Variants in TTN observed in about 807,000 individuals in gnomAD.
TTN encodes titin.
TTN carries 1,525 observed loss-of-function variants against 3,223.0 expected under a neutral mutation model. The ratio of observed to expected loss-of-function variants is 0.47; its 90% CI spans 0.45 to 0.49. TTN has a LOEUF of 0.49. Among genes scored for constraint, TTN ranks in the 20% least tolerant of loss-of-function variants. The pLI is 0.00. For synonymous variants in TTN, 14,094 were observed against 15,161.0 expected, an observed-to-expected ratio of 0.93 and a Z score of 5.17; for missense variants, 40,786 against 43,424.0, an observed-to-expected ratio of 0.94 and a Z score of 5.40.
chr2:178,752,107 T>C, intron 47 of TTN: 1 of 1,410,896 alleles, frequency 7.1e-7, no homozygotes, highest in South Asian at 1.2e-5. Context: ...TAAATAAAAT[T>C]GCAAAATAGG....
intron 208 of TTN, 86 bp from the exon 209 acceptor site, chr2:178,650,920 T>A (rs1576942990): frequency 7.3e-7 from 1 of 1,376,178 alleles, no homozygotes; most frequent in East Asian, 2.5e-5. Context: ...TTTGCTCAAA[T>A]AACCCAGGGA....
rs751454643 is a variant in TTN, at chr2:178,670,224, T to C, written c.35380A>G (p.Thr11794Ala). The change falls in exon 157 of 363, where the codon ACT (threonine) becomes GCT (alanine). Residue 11794 changes from threonine to alanine, a missense_variant. Transcript: ENST00000589042. ...AATGAGAAAAGCCAGTTACCTTTAG[T>C]TGGTGGAACTCTGGGCTCTTCAGGA... Reference protein sequence around the residue: ...RVPEEPRVPPTKAPEVPKKIV... With the variant: ...RVPEEPRVPPAKAPEVPKKIV... 6.1e-6 allele frequency: 9 copies of C among 1,470,722 alleles called. No individual in the cohort carries two copies. Among genetic ancestry groups the C allele is most frequent in the African/African-American group, 1.5e-5 (1 of 68,398 alleles). 91.1% of individuals were successfully genotyped at this position (1,470,722 alleles called of 1,614,324 possible).
Position 178,616,781 on chromosome 2 carries a change from T to C in TTN, c.48108A>G (p.Lys16036=). The C allele has an allele frequency of 6.2e-7, 1 of 1,612,776 alleles. No homozygotes were observed. The highest frequency in any genetic ancestry group is 8.5e-7 in the Non-Finnish European group (1 of 1,179,178). Residue 16036 remains lysine (K), a synonymous_variant, in exon 256 of 363, where the codon AAA becomes AAG. Coordinates refer to ENST00000589042, the MANE Select transcript of TTN (RefSeq NM_001267550.2). ...AAATTGTTTTCACACGGTTTTCTAA[T>C]TTCAGTGTATAAATGCCCTTGTCTG... ...ERSDKGIYTL[K]LENRVKTISG... is the part of the protein sequence containing the mutation.
Position 178,562,554 on chromosome 2 carries a change from C to G in TTN, c.83578G>C (p.Val27860Leu). The part of the protein sequence containing the change: ...LPAETTEPVK[V>L]SEPPLPPGRV... ...CCAGGTGGGAGGGGTGGTTCAGACA[C>G]TTTAACGGGTTCTGTTGTTTCAGCT... Residue 27860 changes from valine to leucine, a missense_variant, in exon 326 of 363, where the codon GTG becomes CTG. By Grantham distance (32) the Val-to-Leu change is conservative. Transcript: ENST00000589042. 2 of 1,610,602 alleles carry G rather than the reference C, an allele frequency of 1.2e-6. No homozygotes were observed. The highest frequency in any genetic ancestry group is 1.7e-6 in the Non-Finnish European group (2 of 1,178,614).
chr2:178,739,603 C>A lies in TTN; in HGVS notation c.13630G>T (p.Val4544Phe). 2 of 1,613,822 alleles carry A rather than the reference C, an allele frequency of 1.2e-6. No individual in the cohort carries two copies. The highest frequency in any genetic ancestry group is 1.7e-4 in the Middle Eastern group (1 of 6,060). Residue 4544 changes from valine (V) to phenylalanine (F), a missense_variant, in exon 48 of 363, where the codon GTT becomes TTT. Transcript: ENST00000589042. ...EVSYFNVQSRVKYLDATPVTK... is the reference protein window; with the variant it reads ...EVSYFNVQSRFKYLDATPVTK... ...ACAGGTGTGGCATCCAAATATTTAA[C>A]CCTACTTTGCACGTTAAAATAACTG...
At chr2:178,793,679 A>C (rs1251666249) in intron 8 of TTN, 138 bp from the exon 9 acceptor site, 2 of 1,189,348 alleles carry the variant, frequency 1.7e-6, no homozygotes. Context: ...GCACACCTGT[A>C]ATCCCAGCTA....
rs794729263 is a variant in TTN, at chr2:178,613,939, T to A, written c.49346-2A>T. 6.2e-7 allele frequency: 1 copy of A among 1,607,540 alleles called. No individual in the cohort carries two copies. Among genetic ancestry groups the A allele is most frequent in the African/African-American group, 1.3e-5 (1 of 74,414 alleles). ...GGCGAGTTGGAGGACCAGGTGGATC[T>A]ATAGACAGGATAATGGTGTAAAATG... On this transcript the variant is annotated splice_acceptor_variant, in intron 262 of 362. Transcript: ENST00000589042. LOFTEE classifies it high-confidence loss of function.
chr2:178,583,765 C>G lies in TTN; in HGVS notation c.65417G>C (p.Arg21806Pro), dbSNP rs771120053. 6.2e-7 allele frequency: 1 copy of G among 1,611,440 alleles called. No homozygotes were observed. Among genetic ancestry groups the G allele is most frequent in the Admixed American group, 1.7e-5 (1 of 59,794 alleles). The change falls in exon 312 of 363, where the codon CGG becomes CCG. Residue 21806 changes from arginine to proline, a missense_variant. Arg to Pro is a moderately radical substitution (Grantham distance 103). Transcript: ENST00000589042. ...AATCTGGTGAGGTGCAGTATTGCAC[C>G]GTACCCATTTATCACCAGGAAGTTT... ...ACKLPGDKWV[R>P]CNTAPHQIPQ... is the part of the protein sequence containing the mutation.
rs2081311155 is a variant in TTN at position 178,735,631 on chromosome 2, C to G, written c.14815G>C (p.Glu4939Gln). 1 of 1,613,566 alleles carries G rather than the reference C, an allele frequency of 6.2e-7. No individual in the cohort carries two copies. The highest frequency in any genetic ancestry group is 8.5e-7 in the Non-Finnish European group (1 of 1,179,790). The change falls in exon 50 of 363, where the codon GAA becomes CAA. Residue 4939 changes from glutamate (E) to glutamine (Q), a missense_variant. By Grantham distance (29) the Glu-to-Gln change is conservative. Coordinates refer to ENST00000589042, the MANE Select transcript of TTN (RefSeq NM_001267550.2). ...ATCTCAAGTGTTGCTATTTTATCTT[C>G]AAAACAGATCTTATAATCTTTCCCT... ...PPGKDYKICF[E>Q]DKIATLEIPL... is the part of the protein sequence containing the mutation.
In TTN at chr2:178,746,397, C is replaced by T. The variant is rs1485174648; in HGVS notation, c.11312-4476G>A. 2.9e-5 allele frequency: 46 copies of T among 1,609,084 alleles called. No individual in the cohort carries two copies. The highest frequency in any genetic ancestry group is 3.4e-5 in the Non-Finnish European group (40 of 1,177,770). Reference sequence around the variant, plus strand: ...ATACTTTTATGGTCAGGAGTAAATTCGGGAACTGTCACTATTTTCACCTGC... The same window carrying T: ...ATACTTTTATGGTCAGGAGTAAATTTGGGAACTGTCACTATTTTCACCTGC... On this transcript the variant is annotated intron_variant, in intron 47 of 362. Transcript: ENST00000589042.
Position 178,780,197 on chromosome 2 carries a change from C to G in TTN, c.3532G>C (p.Glu1178Gln), listed in dbSNP as rs868494997. Residue 1178 changes from glutamate to glutamine, a missense_variant, in exon 22 of 363, where the codon GAG (glutamate) becomes CAG (glutamine). Coordinates refer to ENST00000589042, the MANE Select transcript of TTN (RefSeq NM_001267550.2). ...TCTTGCTGGGACTTCATCAGTAACT[C>G]ATAATCAGCTAAGAGTTAAGAACAT... The part of the protein sequence containing the change: ...SASLLEEADY[E>Q]LLMKSQQEML... 6.2e-7 allele frequency: 1 copy of G among 1,613,164 alleles called. No homozygotes were observed. Among genetic ancestry groups the G allele is most frequent in the African/African-American group, 1.3e-5 (1 of 74,886 alleles).
rs771220870 is a variant in TTN at position 178,673,589 on chromosome 2, A to T, written c.34786+44T>A. On this transcript the variant is annotated intron_variant, in intron 152 of 362. Coordinates refer to ENST00000589042, the MANE Select transcript of TTN (RefSeq NM_001267550.2). The stretch of plus-strand genomic sequence containing the variant: ...GAAAATGTTGCTTTTAAGAAAGAAA[A>T]TTAATGGGAAGTTAAAGATATTAAT... 3.4e-6 allele frequency: 5 copies of T among 1,459,268 alleles called. No homozygotes were observed. The South Asian group carries it at 7.2e-5, about 21-fold the overall frequency. The allele number at this position is 1,459,268 out of a possible 1,614,324, so 90.4% of individuals were successfully genotyped here. A position where few individuals can be genotyped will look rare whatever the true frequency, so the allele number is the denominator to read the frequency against.
rs761366397 is a variant in TTN at position 178,741,291 on chromosome 2, C to G, written c.11942G>C (p.Ser3981Thr). ...GTTATGAATGATAGTGTAATAAACA[C>G]TGGTGCAAAGCTGCTTGTTTTCTTT... ...WFKENKQLCT[S>T]VYYTIIHNPN... The change falls in exon 48 of 363, where the codon AGT (serine) becomes ACT (threonine). Residue 3981 changes from serine (S) to threonine (T), a missense_variant. Physicochemically the swap from Ser to Thr is moderately conservative, Grantham distance 58. Coordinates refer to ENST00000589042, the MANE Select transcript of TTN (RefSeq NM_001267550.2). The G allele has an allele frequency of 1.2e-6, 2 of 1,613,918 alleles. No individual in the cohort carries two copies. Among genetic ancestry groups the G allele is most frequent in the South Asian group, 1.1e-5 (1 of 91,084 alleles).
At chr2:178,578,589 A>G (rs771945489) in intron 321 of TTN, 22 bp downstream of exon 321, 6 of 1,559,082 alleles carry the variant, frequency 3.8e-6, no homozygotes, top group Non-Finnish European at 5.3e-6. Flanking sequence ...TAAAAGCTGT[A>G]GGATAAGAAC....
chr2:178,581,934 G>C lies in TTN; in HGVS notation c.66435C>G (p.Ser22145=), dbSNP rs1401960775. 6.2e-7 allele frequency: 1 copy of C among 1,613,064 alleles called. No homozygotes were observed. Among genetic ancestry groups the C allele is most frequent in the Non-Finnish European group, 8.5e-7 (1 of 1,179,474 alleles). Residue 22145 remains serine, a synonymous_variant, in exon 315 of 363, where the codon TCC becomes TCG. Coordinates refer to ENST00000589042, the MANE Select transcript of TTN (RefSeq NM_001267550.2). The part of the protein sequence containing the change: ...KAGPGKPSDA[S]KAAYARDPQY... The stretch of plus-strand genomic sequence containing the variant: ...GAGGGTCCCGAGCATAAGCGGCCTT[G>C]GATGCGTCACTGGGTTTGCCTGGTC...
Position 178,609,489 on chromosome 2 carries a change from G to A in TTN, c.51821C>T (p.Ser17274Leu). The A allele has an allele frequency of 6.2e-7, 1 of 1,612,434 alleles. No individual in the cohort carries two copies. The highest frequency in any genetic ancestry group is 8.5e-7 in the Non-Finnish European group (1 of 1,179,144). ...EIALDASISG[S>L]PYPTITWIKD... The stretch of plus-strand genomic sequence containing the variant: ...TATCCATGTAATAGTTGGGTAAGGT[G>A]ATCCAGAAATACTTGCATCAAGTGC... The change falls in exon 273 of 363, where the codon TCA becomes TTA. Residue 17274 changes from serine (S) to leucine (L), a missense_variant. Physicochemically the swap from Ser to Leu is moderately radical, Grantham distance 145. Coordinates refer to ENST00000589042, the MANE Select transcript of TTN (RefSeq NM_001267550.2).
At position 178,727,723 on chromosome 2, in the gene TTN, T is replaced by C. The variant is rs1060500450; in HGVS notation, c.19855A>G (p.Lys6619Glu). 5.6e-6 allele frequency: 9 copies of C among 1,613,274 alleles called. No homozygotes were observed. The highest frequency in any genetic ancestry group is 7.6e-6 in the Non-Finnish European group (9 of 1,179,476). Residue 6619 changes from lysine to glutamate, a missense_variant, in exon 68 of 363, where the codon AAA becomes GAA. Physicochemically the swap from Lys to Glu is moderately conservative, Grantham distance 56. Coordinates refer to ENST00000589042, the MANE Select transcript of TTN (RefSeq NM_001267550.2). ...KDDVELVSGPKCFIGLEGSTS... is the reference protein window; with the variant it reads ...KDDVELVSGPECFIGLEGSTS... ...GACCCTTCCAAGCCAATGAAACATT[T>C]AGGACCTGAGACAAGTTCCACATCA...
intron 250 of TTN, 51 bp from the exon 251 acceptor site, chr2:178,618,904 G>A: frequency 6.3e-7 from 1 of 1,576,748 alleles, no homozygotes; most frequent in African/African-American, 1.4e-5. Context: ...ACGTAGCCAA[G>A]CTACATCATG....
At position 178,530,429 on chromosome 2, in the gene TTN, C is replaced by T; in HGVS notation, c.106186G>A (p.Asp35396Asn). The T allele has an allele frequency of 6.2e-7, 1 of 1,613,930 alleles. No individual in the cohort carries two copies. Among genetic ancestry groups the T allele is most frequent in the Middle Eastern group, 1.6e-4 (1 of 6,062 alleles). ...ACTGTTGACTCAGTGGTTTTCTGAT[C>T]TGATTTCTTAGTTTCTGATATTTTT... is the stretch of plus-strand genomic sequence containing the variant. ...VSKISETKKS[D>N]QKTTESTVTR... Residue 35396 changes from aspartate (D) to asparagine (N), a missense_variant, in exon 358 of 363, where the codon GAT becomes AAT. By Grantham distance (23) the Asp-to-Asn change is conservative. Coordinates refer to ENST00000589042, the MANE Select transcript of TTN (RefSeq NM_001267550.2).
Sources: gnomAD v4.1 joint callset for allele counts on GRCh38, gnomAD v4.1.1 for gene constraint, MANE v1.5 for transcripts, NCBI Gene and HGNC (gene_info 2026-07-23, HGNC 2026-07-21) for gene names.